MCTP2: variants seen among roughly 807,000 people sequenced by gnomAD.
The protein encoded by MCTP2 is multiple C2 and transmembrane domain-containing protein 2.
In MCTP2, 132 loss-of-function variants were observed where a neutral mutation model predicts 111.6. The observed-to-expected ratio is 1.18, with a 90% CI of 1.03 to 1.37. The LOEUF (loss-of-function observed/expected upper bound fraction) is 1.37, where lower values mean the gene tolerates loss of function less well. Ranked by LOEUF, MCTP2 falls within the 40% of genes most tolerant of loss-of-function variation. MCTP2 has a pLI of 0.00. For missense variants in MCTP2, 1,183 were observed against 1,067.9 expected (o/e 1.11, Z -1.50); for synonymous variants, 395 against 387.7 (o/e 1.02, Z -0.22).
intron 19 of MCTP2, among the ~76,000 whole-genome samples, 161 bp downstream of exon 19, chr15:94,443,121 C>A (rs1231240417): frequency 6.7e-6 from 1 of 149,862 alleles, no homozygotes; most frequent in Non-Finnish European, 1.5e-5. Context: ...AAGGATATCC[C>A]TTTTTAAGAT....
intron 17 of MCTP2, among the ~76,000 whole-genome samples, chr15:94,410,505 A>C (rs1487821818): frequency 6.6e-6 from 1 of 152,138 alleles, no homozygotes; most frequent in East Asian, 1.9e-4. Flanking sequence ...GCGGAGTTTG[A>C]GTCCAGCCTG....
intron 4 of MCTP2, among the ~76,000 whole-genome samples, chr15:94,327,247 C>G (rs565392530): frequency 4.6e-5 from 7 of 152,112 alleles, no homozygotes; most frequent in Non-Finnish European, 8.8e-5. Flanking sequence ...TGATCTCTGT[C>G]AAGTTTACTT....
chr15:94,478,309 C>A (rs535415018), intron 22 of MCTP2, among the ~76,000 whole-genome samples: 1 of 152,300 alleles, frequency 6.6e-6, no homozygotes, highest in South Asian at 2.1e-4. Flanking sequence ...CAGAGAGATG[C>A]AGCAAAAGAA....
At chr15:94,458,099 G>A (rs769783089) in intron 19 of MCTP2, 38 bp from the exon 20 acceptor site, 1 of 1,131,866 alleles carries the variant, frequency 8.8e-7, no homozygotes, top group African/African-American at 1.5e-5. Context: ...GATAAAAAAT[G>A]AAGTAACTGA....
intron 12 of MCTP2, among the ~76,000 whole-genome samples, chr15:94,370,432 T>G (rs2079422564): frequency 6.6e-6 from 1 of 152,200 alleles, no homozygotes; most frequent in Non-Finnish European, 1.5e-5. Flanking sequence ...TCAAAAACAT[T>G]TGTGGAGTAT....
intron 6 of MCTP2, among the ~76,000 whole-genome samples, 164 bp downstream of exon 6, chr15:94,340,439 G>T (rs1363414162): frequency 6.6e-6 from 1 of 152,110 alleles, no homozygotes; most frequent in East Asian, 1.9e-4. Context: ...AAGGATTTTT[G>T]CTTTCCAGGT....
intron 13 of MCTP2, among the ~76,000 whole-genome samples, chr15:94,384,805 C>A (rs547890597): frequency 6.6e-6 from 1 of 152,308 alleles, no homozygotes; most frequent in Admixed American, 6.5e-5. Flanking sequence ...TCCCAAGGAT[C>A]TATGAAAAGT....
intron 19 of MCTP2, among the ~76,000 whole-genome samples, chr15:94,456,456 T>G (rs1262823571): frequency 6.6e-6 from 1 of 152,214 alleles, no homozygotes; most frequent in Non-Finnish European, 1.5e-5. Flanking sequence ...TTTTGGCCTT[T>G]GGGTCAAATT....
At chr15:94,359,648 A>G (rs1334030947) in intron 10 of MCTP2, among the ~76,000 whole-genome samples, 1 of 152,138 alleles carries the variant, frequency 6.6e-6, no homozygotes, top group Non-Finnish European at 1.5e-5. Context: ...GTTGCTGAAA[A>G]CTAAAGATTG....
chr15:94,391,060 C>T (rs1023079883), intron 14 of MCTP2, among the ~76,000 whole-genome samples: 3 of 151,952 alleles, frequency 2.0e-5, no homozygotes, highest in African/African-American at 7.3e-5. Context: ...AGATGTGAGT[C>T]CTTCTGTGTG....
chr15:94,427,274 G>C (rs1333147819), intron 17 of MCTP2, among the ~76,000 whole-genome samples: 2 of 152,100 alleles, frequency 1.3e-5, no homozygotes, highest in African/African-American at 4.8e-5. Context: ...GCTGTGTTCT[G>C]TACAGTGAAT....
At chr15:94,357,017 C>T (rs1241040438) in intron 9 of MCTP2, among the ~76,000 whole-genome samples, 2 of 151,832 alleles carry the variant, frequency 1.3e-5, no homozygotes, top group Admixed American at 6.6e-5. Context: ...CTCTGGGGTA[C>T]TTGAAACTTA....
intron 19 of MCTP2, among the ~76,000 whole-genome samples, chr15:94,450,315 G>T (rs370528980): frequency 6.6e-6 from 1 of 152,178 alleles, no homozygotes; most frequent in Non-Finnish European, 1.5e-5. Flanking sequence ...TTAATAGCAC[G>T]AGCTGTGGCG....
intron 8 of MCTP2, among the ~76,000 whole-genome samples, chr15:94,346,982 C>T (rs906623794): frequency 6.6e-5 from 10 of 151,928 alleles, no homozygotes; most frequent in African/African-American, 2.4e-4. Context: ...ATATAATACG[C>T]GCCCATCCCG....
At chr15:94,266,693 T>C (rs2073556164) in intron 1 of MCTP2, among the ~76,000 whole-genome samples, 1 of 152,094 alleles carries the variant, frequency 6.6e-6, no homozygotes, top group Non-Finnish European at 1.5e-5. Flanking sequence ...AGAGAGCCCA[T>C]AGAGAATGTG....
chr15:94,355,982 G>A, intron 8 of MCTP2, 155 bp from the exon 9 acceptor site: 1 of 1,305,660 alleles, frequency 7.7e-7, no homozygotes, highest in Non-Finnish European at 9.7e-7. Flanking sequence ...AACTGTGACA[G>A]CAGGTTTGCA....
At chr15:94,422,486 C>T (rs997101862) in intron 17 of MCTP2, among the ~76,000 whole-genome samples, 3 of 152,328 alleles carry the variant, frequency 2.0e-5, no homozygotes, top group Admixed American at 2.0e-4. Flanking sequence ...CAAAAGCGAT[C>T]TTGCCCTTTC....
intron 19 of MCTP2, among the ~76,000 whole-genome samples, chr15:94,454,862 C>T (rs1332511362): frequency 6.6e-6 from 1 of 152,028 alleles, no homozygotes; most frequent in Non-Finnish European, 1.5e-5. Context: ...GCTCTGTGGC[C>T]CAGACTGGAG....
chr15:94,426,141 T>TGA (rs10603478), intron 17 of MCTP2, among the ~76,000 whole-genome samples: 4,158 of 140,830 alleles, frequency 0.03, 61 homozygotes, highest in Non-Finnish European at 0.037. Flanking sequence ...AGAGAGAGAT[T>TGA]GAGAGAGAGA....
Sources: allele counts gnomAD v4.1 joint callset (sites outside exome capture counted in the v4.1 genomes callset), GRCh38; gene constraint gnomAD v4.1.1; transcripts MANE v1.5; gene names NCBI Gene and HGNC (gene_info 2026-07-23, HGNC 2026-07-21).